STIM2: variants seen among roughly 807,000 people sequenced by gnomAD.
STIM2 encodes the protein stromal interaction molecule 2.
Under a neutral mutation model 85.8 loss-of-function variants are expected in STIM2, and 31 were observed. That is an observed-to-expected ratio of 0.36 (90% CI 0.27 to 0.49). The LOEUF (loss-of-function observed/expected upper bound fraction) is 0.49, where lower values mean the gene tolerates loss of function less well. Among genes scored for constraint, STIM2 ranks in the 20% least tolerant of loss-of-function variants. The probability of loss-of-function intolerance (pLI) is 0.98; values close to 1 mark genes in which losing one functional copy is unlikely to be tolerated. For synonymous variants in STIM2, 356 were observed against 331.1 expected (o/e 1.08, Z -0.82); for missense variants, 841 against 927.6 (o/e 0.91, Z 1.21).
At chr4:26,886,079 T>A (rs1158733604) in intron 1 of STIM2, among the ~76,000 whole-genome samples, 1 of 151,780 alleles carries the variant, frequency 6.6e-6, no homozygotes, top group Non-Finnish European at 1.5e-5. Context: ...TAATTTGAGG[T>A]TCAGTGGAAC....
chr4:26,960,897 C>G (rs1726430174), intron 3 of STIM2, among the ~76,000 whole-genome samples: 1 of 151,980 alleles, frequency 6.6e-6, no homozygotes, highest in African/African-American at 2.4e-5. Flanking sequence ...AACCCTGTCT[C>G]TACTAAAAAT....
intron 3 of STIM2, among the ~76,000 whole-genome samples, chr4:26,987,120 G>A (rs759757319): frequency 2.0e-4 from 31 of 152,034 alleles, no homozygotes; most frequent in Non-Finnish European, 4.0e-4. Context: ...TGTCTTTTTT[G>A]GAAGGCTGCT....
Position 27,017,873 on chromosome 4 carries a change from C to T in STIM2, c.1652C>T (p.Pro551Leu), listed in dbSNP as rs139856611. 158 of 1,614,184 alleles carry T rather than the reference C, an allele frequency of 9.8e-5. No individual in the cohort carries two copies. The highest frequency in any genetic ancestry group is 8.2e-4 in the Middle Eastern group (5 of 6,062). The change falls in exon 11 of 12, where the codon CCA (proline) becomes CTA (leucine). Residue 551 changes from proline (P) to leucine (L), a missense_variant. Physicochemically the swap from Pro to Leu is moderately conservative, Grantham distance 98. This residue lies in a region of STIM2 where 293 missense variants were observed against 284.5 expected (regional missense o/e 1.03). Transcript: ENST00000467087. Reference sequence around the variant, plus strand: ...CACCCTCACCACCCGCAACACACACCACACTCCTTGCCTTCCCCTGATCCA... The same window carrying T: ...CACCCTCACCACCCGCAACACACACTACACTCCTTGCCTTCCCCTGATCCA...
chr4:26,905,809 T>A (rs1011773832), intron 1 of STIM2, among the ~76,000 whole-genome samples: 2 of 152,170 alleles, frequency 1.3e-5, no homozygotes, highest in African/African-American at 4.8e-5. Context: ...ACACATACAT[T>A]AAGAACTTGC....
chr4:26,971,925 A>G (rs1179855275), intron 3 of STIM2, among the ~76,000 whole-genome samples: 5 of 151,938 alleles, frequency 3.3e-5, no homozygotes, highest in South Asian at 2.1e-4. Context: ...TTGAGCAGTG[A>G]TTTGTAGTTC....
In STIM2 at chr4:26,958,896, A is replaced by G. The variant is rs191473440; in HGVS notation, c.397+1170A>G. ...ATCCATTACAGAGTCTATTGCTATT[A>G]GTATTTTTTTAAGGATTAAAATATG... On this transcript the variant is annotated intron_variant, in intron 3 of 11. Coordinates refer to ENST00000467087, the MANE Select transcript of STIM2 (RefSeq NM_020860.4). Among the ~76,000 whole-genome samples, 49 of 152,292 alleles carry G rather than the reference A, an allele frequency of 3.2e-4. No individual in the cohort carries two copies. In the East Asian group the frequency reaches 7.3e-3, roughly 23 times the overall value.
intron 1 of STIM2, among the ~76,000 whole-genome samples, chr4:26,902,581 A>G (rs1455772433): frequency 6.6e-6 from 1 of 152,200 alleles, no homozygotes; most frequent in Admixed American, 6.5e-5. Context: ...AGCAAAGCTA[A>G]TATTACTTTG....
At chr4:26,896,112 A>C (rs113633917) in intron 1 of STIM2, among the ~76,000 whole-genome samples, 7 of 152,280 alleles carry the variant, frequency 4.6e-5, no homozygotes, top group African/African-American at 1.7e-4. Flanking sequence ...GAGGTCTTCA[A>C]TTGCTTGATT....
intron 2 of STIM2, among the ~76,000 whole-genome samples, chr4:26,936,733 C>T (rs867545269): frequency 6.6e-6 from 1 of 152,168 alleles, no homozygotes; most frequent in South Asian, 2.1e-4. Flanking sequence ...GTATGAAGAA[C>T]CAAAAACTTC....
rs186600907 is a variant in STIM2, at chr4:26,951,614, G to A, written c.283-5998G>A. ...GAGGGCCTGTGAGTATGGTAAATCC[G>A]GTCCCTGTAACCTCATCTTTGCTGG... On this transcript the variant is annotated intron_variant, in intron 2 of 11. Transcript: ENST00000467087. Among the ~76,000 whole-genome samples the A allele has an allele frequency of 1.3e-3, 196 of 152,056 alleles. 2 individuals are homozygous for A. Among genetic ancestry groups the A allele is most frequent in the African/African-American group, 1.0e-3 (43 of 41,468 alleles).
chr4:27,007,865 T>C (rs1728420713), intron 8 of STIM2, 165 bp downstream of exon 8: 3 of 770,456 alleles, frequency 3.9e-6, no homozygotes, highest in Non-Finnish European at 6.4e-6. Context: ...TCATAAGCTT[T>C]AAATTAAAAT....
chr4:26,936,145 A>G (rs1437740787), intron 2 of STIM2, among the ~76,000 whole-genome samples: 2 of 152,210 alleles, frequency 1.3e-5, no homozygotes, highest in Admixed American at 6.5e-5. Context: ...GACAGATTTT[A>G]AGAAAACATC....
intron 2 of STIM2, among the ~76,000 whole-genome samples, chr4:26,932,906 A>T (rs923164311): frequency 1.3e-5 from 2 of 152,260 alleles, no homozygotes; most frequent in African/African-American, 4.8e-5. Flanking sequence ...ATTTCATGGA[A>T]AAAACACATA....
At chr4:26,894,574 T>C (rs1430519601) in intron 1 of STIM2, among the ~76,000 whole-genome samples, 1 of 151,956 alleles carries the variant, frequency 6.6e-6, no homozygotes, top group Non-Finnish European at 1.5e-5. Flanking sequence ...TTTTCCCCAC[T>C]AATCTGTGGT....
At chr4:26,861,546 T>A in intron 1 of STIM2, 177 bp downstream of exon 1, 1 of 995,116 alleles carries the variant, frequency 1.0e-6, no homozygotes, top group Non-Finnish European at 1.3e-6. Flanking sequence ...TCTTTCCTTT[T>A]CACCCCGACA....
At chr4:26,962,096 C>T (rs1010011776) in intron 3 of STIM2, among the ~76,000 whole-genome samples, 3 of 152,058 alleles carry the variant, frequency 2.0e-5, no homozygotes, top group Non-Finnish European at 2.9e-5. Flanking sequence ...AAAGTGGAGG[C>T]GGCATGCTAT....
intron 1 of STIM2, among the ~76,000 whole-genome samples, chr4:26,913,242 ATAAT>A (rs1158575984): frequency 6.6e-6 from 1 of 152,086 alleles, no homozygotes; most frequent in Non-Finnish European, 1.5e-5. Context: ...ACATACAATA[ATAAT>A]TTACATATAA....
At chr4:26,913,087 G>T (rs1724401314) in intron 1 of STIM2, among the ~76,000 whole-genome samples, 1 of 152,072 alleles carries the variant, frequency 6.6e-6, no homozygotes, top group Non-Finnish European at 1.5e-5. Context: ...GGGTTCCAGA[G>T]CTCATCTTAT....
chr4:26,953,317 A>G lies in STIM2; in HGVS notation c.283-4295A>G, dbSNP rs552708885. On this transcript the variant is annotated intron_variant, in intron 2 of 11. Coordinates refer to ENST00000467087, the MANE Select transcript of STIM2 (RefSeq NM_020860.4). ...ACTTTGACATTGATTCAACATGGAC[A>G]TATAAAAACCACTCAAAATATTTTG... is the stretch of plus-strand genomic sequence containing the variant. 3.8e-4 allele frequency among the ~76,000 whole-genome samples: 58 copies of G among 152,342 alleles called. No homozygotes were observed. In the South Asian group the frequency reaches 5.6e-3, roughly 15 times the overall value.
Sources: allele counts gnomAD v4.1 joint callset (sites outside exome capture counted in the v4.1 genomes callset), GRCh38; gene constraint gnomAD v4.1.1; regional missense constraint gnomAD v4.1.1; transcripts MANE v1.5; gene names NCBI Gene and HGNC (gene_info 2026-07-23, HGNC 2026-07-21).